The following MAP2K6 variants were observed in gnomAD, a reference collection of about 807,000 sequenced individuals.
MAP2K6 encodes the protein dual specificity mitogen-activated protein kinase kinase 6.
MAP2K6 carries 16 observed loss-of-function variants against 53.7 expected under a neutral mutation model. That is an observed-to-expected ratio of 0.30 (90% CI 0.20 to 0.45). The LOEUF (loss-of-function observed/expected upper bound fraction) is 0.45, where lower values mean the gene tolerates loss of function less well. MAP2K6 is among the 20% of genes least tolerant of loss of function. The pLI, the probability that MAP2K6 is intolerant of heterozygous loss-of-function variation, is 1.00. For missense variants in MAP2K6, 204 were observed against 411.9 expected (o/e 0.50, Z 4.37); for synonymous variants, 132 against 143.1 (o/e 0.92, Z 0.55).
intron 2 of MAP2K6, 62 bp from the exon 3 acceptor site, chr17:69,516,793 T>G: frequency 8.1e-7 from 1 of 1,240,768 alleles, no homozygotes; most frequent in South Asian, 1.3e-5. Context: ...GGTGTGTGAT[T>G]TGGGAAGGAC....
intron 2 of MAP2K6, among the ~76,000 whole-genome samples, chr17:69,511,334 T>A (rs899932963): frequency 2.0e-5 from 3 of 152,198 alleles, no homozygotes; most frequent in Non-Finnish European, 2.9e-5. Flanking sequence ...AGCTCCCACA[T>A]TTTGTGTTTT....
At chr17:69,488,459 A>G (rs776265010) in intron 1 of MAP2K6, among the ~76,000 whole-genome samples, 18 of 152,336 alleles carry the variant, frequency 1.2e-4, no homozygotes, top group Non-Finnish European at 2.2e-4. Flanking sequence ...TACCAAAAAG[A>G]CACATGCCCA....
chr17:69,447,010 T>C (rs184765402), intron 1 of MAP2K6, among the ~76,000 whole-genome samples: 28 of 145,766 alleles, frequency 1.9e-4, no homozygotes, highest in African/African-American at 7.1e-4. Flanking sequence ...GGAGTTTCAC[T>C]CTTGTTGCCC....
intron 8 of MAP2K6, 117 bp from the exon 9 acceptor site, chr17:69,524,784 A>T: frequency 1.5e-6 from 1 of 650,288 alleles, no homozygotes; most frequent in South Asian, 1.9e-5. Flanking sequence ...GTGGCATGTT[A>T]ACAGCTTATA....
chr17:69,526,682 C>T lies in MAP2K6; in HGVS notation c.854C>T (p.Ala285Val). 1 of 1,613,866 alleles carries T rather than the reference C, an allele frequency of 6.2e-7. No homozygotes were observed. The highest frequency in any genetic ancestry group is 8.5e-7 in the Non-Finnish European group (1 of 1,180,012). Residue 285 changes from alanine (A) to valine (V), a missense_variant, in exon 10 of 12, where the codon GCA (alanine) becomes GTA (valine). Physicochemically the swap from Ala to Val is moderately conservative, Grantham distance 64. Around this residue, in one of 3 missense-constraint regions of MAP2K6, gnomAD observed 47 missense variants for 62.3 expected, o/e 0.75. Transcript: ENST00000590474. ...SPQLPADKFSAEFVDFTSQCL... is the reference protein window; with the variant it reads ...SPQLPADKFSVEFVDFTSQCL... ...CAACTCCCAGCAGACAAGTTCTCTG[C>T]AGAGTTTGTTGACTTTACCTCACAG... is the stretch of plus-strand genomic sequence containing the variant.
chr17:69,483,673 G>A (rs1234846504), intron 1 of MAP2K6, among the ~76,000 whole-genome samples: 1 of 152,050 alleles, frequency 6.6e-6, no homozygotes, highest in Non-Finnish European at 1.5e-5. Flanking sequence ...GAACTCGGAG[G>A]AATCACACTT....
rs910702726 is a variant in MAP2K6 at position 69,551,868 on chromosome 17, A to G, written c.*10115A>G. The G allele has an allele frequency of 6.6e-6, 1 of 152,228 alleles. No individual in the cohort carries two copies. Among genetic ancestry groups the G allele is most frequent in the African/African-American group, 2.4e-5 (1 of 41,476 alleles). The allele number at this position is 152,228 out of a possible 1,614,324, so 9.4% of individuals were successfully genotyped here. On this transcript the variant is annotated 3_prime_UTR_variant, in exon 12 of 12. Coordinates refer to ENST00000590474, the MANE Select transcript of MAP2K6 (RefSeq NM_002758.4). ...AGAGGTGTTAGGAATGTAGTTTCAC[A>G]TTATTTAAATACATGAACAGTTTTC...
chr17:69,429,352 A>C (rs1906381738), intron 1 of MAP2K6, among the ~76,000 whole-genome samples: 1 of 151,896 alleles, frequency 6.6e-6, no homozygotes, highest in Non-Finnish European at 1.5e-5. Context: ...TGGGAGGCTA[A>C]GGTGGGAGGA....
chr17:69,513,066 C>G (rs1567848334), intron 2 of MAP2K6, among the ~76,000 whole-genome samples: 1 of 152,136 alleles, frequency 6.6e-6, no homozygotes, highest in African/African-American at 2.4e-5. Context: ...AGAGAACATC[C>G]ACCCACAGTA....
intron 1 of MAP2K6, among the ~76,000 whole-genome samples, chr17:69,448,199 A>G (rs1338577399): frequency 3.3e-5 from 5 of 150,984 alleles, no homozygotes; most frequent in Admixed American, 3.3e-4. Flanking sequence ...CAATGGCTCA[A>G]TTATCTAGCC....
At chr17:69,509,469 CTTCTA>C (rs1235799210) in intron 2 of MAP2K6, among the ~76,000 whole-genome samples, 3 of 152,106 alleles carry the variant, frequency 2.0e-5, no homozygotes, top group Non-Finnish European at 2.9e-5. Flanking sequence ...TGCAATTGAT[CTTCTA>C]TTCTGTGACT....
chr17:69,431,893 CTCTG>C (rs963560599), intron 1 of MAP2K6, among the ~76,000 whole-genome samples: 3 of 152,160 alleles, frequency 2.0e-5, no homozygotes, highest in African/African-American at 4.8e-5. Context: ...AGATGACATT[CTCTG>C]TCTTTCAGAA....
chr17:69,517,448 G>T, intron 3 of MAP2K6, 52 bp from the exon 4 acceptor site: 1 of 1,011,936 alleles, frequency 9.9e-7, no homozygotes, highest in Admixed American at 2.2e-5. Context: ...TGTGCTCTCT[G>T]TTCTGTTTAT....
intron 1 of MAP2K6, among the ~76,000 whole-genome samples, chr17:69,445,087 A>G (rs1184729233): frequency 1.3e-5 from 2 of 152,034 alleles, no homozygotes; most frequent in Non-Finnish European, 2.9e-5. Context: ...GGCCCGGCTA[A>G]TTTTTGTATT....
At position 69,536,989 on chromosome 17, in the gene MAP2K6, G is replaced by T. The variant is rs192086679; in HGVS notation, c.927+829G>T. ...CCCAGCTACTCAGGAAGCCGAGGTGGCAGGATCACTTGAGCCCAGGAAGTT... is the reference window on the plus strand; with the variant it reads ...CCCAGCTACTCAGGAAGCCGAGGTGTCAGGATCACTTGAGCCCAGGAAGTT... On this transcript the variant is annotated intron_variant, in intron 11 of 11. Coordinates refer to ENST00000590474, the MANE Select transcript of MAP2K6 (RefSeq NM_002758.4). 3.4e-3 allele frequency among the ~76,000 whole-genome samples: 519 copies of T among 152,286 alleles called. 4 individuals carry two copies. Among genetic ancestry groups the T allele is most frequent in the Non-Finnish European group, 5.2e-3 (356 of 68,012 alleles).
chr17:69,541,330 C>T (rs968743597), intron 11 of MAP2K6, among the ~76,000 whole-genome samples: 2 of 152,112 alleles, frequency 1.3e-5, no homozygotes, highest in Non-Finnish European at 2.9e-5. Flanking sequence ...CCTAAAATGA[C>T]CTTGTGGGGC....
At chr17:69,532,155 C>T (rs1911116877) in intron 10 of MAP2K6, among the ~76,000 whole-genome samples, 1 of 152,100 alleles carries the variant, frequency 6.6e-6, no homozygotes, top group Non-Finnish European at 1.5e-5. Context: ...CTCAGGGAAA[C>T]TAGCATAAAA....
chr17:69,480,771 G>GA lies in MAP2K6; in HGVS notation c.17-25000dup, dbSNP rs1020589658. On this transcript the variant is annotated intron_variant, in intron 1 of 11. Coordinates refer to ENST00000590474, the MANE Select transcript of MAP2K6 (RefSeq NM_002758.4). ...AAACAACCTGAATTTGGAGGTAATA[G>GA]AAAAAAAAAGTTTTTTAAAAAATTT... 1.5e-4 allele frequency among the ~76,000 whole-genome samples: 23 copies of GA among 150,656 alleles called. No homozygotes were observed. In the South Asian group the frequency reaches 4.2e-3, roughly 27 times the overall value.
chr17:69,532,766 G>C (rs2144852469), intron 10 of MAP2K6, among the ~76,000 whole-genome samples: 1 of 152,246 alleles, frequency 6.6e-6, no homozygotes, highest in African/African-American at 2.4e-5. Context: ...TTCTGCAGTA[G>C]TGTTTGGGGT....
Sources: gnomAD v4.1 joint callset for allele counts (sites outside exome capture counted in the v4.1 genomes callset) on GRCh38, gnomAD v4.1.1 for gene constraint, gnomAD v4.1.1 regional missense constraint, MANE v1.5 for transcripts, NCBI Gene and HGNC (gene_info 2026-07-23, HGNC 2026-07-21) for gene names.